The following KCNH1 variants were observed in gnomAD, a reference collection of about 807,000 sequenced individuals.
The protein encoded by KCNH1 is voltage-gated delayed rectifier potassium channel KCNH1.
Under a neutral mutation model 69.2 loss-of-function variants are expected in KCNH1, and 27 were observed. The observed-to-expected ratio is 0.39, with a 90% CI of 0.29 to 0.54. The LOEUF is 0.54. KCNH1 is among the 20% of genes least tolerant of loss of function. The pLI, the probability that KCNH1 is intolerant of heterozygous loss-of-function variation, is 0.68. For missense variants in KCNH1, 798 were observed against 1,261.6 expected (o/e 0.63, Z 5.57); for synonymous variants, 456 against 487.7 (o/e 0.93, Z 0.86).
intron 5 of KCNH1, among the ~76,000 whole-genome samples, chr1:211,029,223 C>T (rs1231284051): frequency 2.9e-5 from 4 of 137,290 alleles, no homozygotes; most frequent in Non-Finnish European, 4.6e-5. Context: ...GTCCTAGCTG[C>T]TTGGGAGGCT....
chr1:211,070,426 A>ACAC lies in KCNH1; in HGVS notation c.558+12353_558+12354insGTG, dbSNP rs1553376612. ...GAGCGAGACTCCACCTTTAAAAAAA[A>ACAC]AAAAACACACACACACACACACACA... On this transcript the variant is annotated intron_variant, in intron 5 of 10. Coordinates refer to ENST00000271751, the MANE Select transcript of KCNH1 (RefSeq NM_172362.3). 9.6e-3 allele frequency among the ~76,000 whole-genome samples: 1,039 copies of ACAC among 108,398 alleles called. 10 individuals carry two copies. The highest frequency in any genetic ancestry group is 0.031 in the African/African-American group (972 of 31,798). 71.1% of individuals were successfully genotyped at this position (108,398 alleles called of 152,430 possible). A position where few individuals can be genotyped will look rare whatever the true frequency, so the allele number is the denominator to read the frequency against.
rs114627825 is a variant in KCNH1 at position 210,717,067 on chromosome 1, A to C, written c.2113-32929T>G. Among the ~76,000 whole-genome samples the C allele has an allele frequency of 2.7e-3, 405 of 152,252 alleles. 4 individuals carry two copies. Among genetic ancestry groups the C allele is most frequent in the African/African-American group, 9.3e-3 (386 of 41,548 alleles). ...CACCACATACTGATTAATTTCTAAA[A>C]TCACTTAGCTTTACAAGTAGCCCTT... On this transcript the variant is annotated intron_variant, in intron 10 of 10. Coordinates refer to ENST00000271751, the MANE Select transcript of KCNH1 (RefSeq NM_172362.3).
rs188115984 is a variant in KCNH1, at chr1:211,014,222, T to G, written c.1032+4561A>C. 1.3e-4 allele frequency among the ~76,000 whole-genome samples: 20 copies of G among 152,312 alleles called. No homozygotes were observed. The East Asian group carries it at 3.9e-3, about 29-fold the overall frequency. On this transcript the variant is annotated intron_variant, in intron 6 of 10. Coordinates refer to ENST00000271751, the MANE Select transcript of KCNH1 (RefSeq NM_172362.3). Reference sequence around the variant, plus strand: ...TTTCCTCGGGAGAGTGAATCTGTTTTGTCAGTAATAATTCAATCTTTAACA... The same window carrying G: ...TTTCCTCGGGAGAGTGAATCTGTTTGGTCAGTAATAATTCAATCTTTAACA...
chr1:210,922,290 G>A (rs1558527016), intron 6 of KCNH1, among the ~76,000 whole-genome samples: 1 of 150,368 alleles, frequency 6.7e-6, no homozygotes, highest in Admixed American at 6.7e-5. Flanking sequence ...GCTGAAGCAG[G>A]AGAATGGCGT....
chr1:210,920,177 T>C (rs1162238748), intron 6 of KCNH1, 108 bp from the exon 7 acceptor site: 2 of 860,068 alleles, frequency 2.3e-6, no homozygotes, highest in African/African-American at 3.4e-5. Flanking sequence ...TTCCATGAGA[T>C]GCAATTTTAT....
intron 7 of KCNH1, among the ~76,000 whole-genome samples, chr1:210,878,513 A>C (rs966233981): frequency 2.0e-5 from 3 of 152,152 alleles, no homozygotes; most frequent in African/African-American, 7.2e-5. Context: ...ATCTTGAAAT[A>C]CTTGGAGAAT....
In KCNH1 at chr1:211,094,756, CCAAA is replaced by C. The variant is rs1206303833; in HGVS notation, c.311-4070_311-4067del. Among the ~76,000 whole-genome samples, 25 of 152,254 alleles carry C rather than the reference CCAAA, an allele frequency of 1.6e-4. 1 individual carries two copies. Among genetic ancestry groups the C allele is most frequent in the African/African-American group, 4.6e-4 (19 of 41,556 alleles). The stretch of plus-strand genomic sequence containing the variant: ...GTTTTCAGTCCCAAACTATCACTAC[CCAAA>C]CAGTCTAAGAAAGTGAGTAGAATGG... On this transcript the variant is annotated intron_variant, in intron 3 of 10. Coordinates refer to ENST00000271751, the MANE Select transcript of KCNH1 (RefSeq NM_172362.3).
intron 7 of KCNH1, among the ~76,000 whole-genome samples, chr1:210,867,150 G>A (rs1214313697): frequency 1.3e-5 from 2 of 151,806 alleles, no homozygotes; most frequent in African/African-American, 4.8e-5. Context: ...ATGGGTATGG[G>A]GTTTCTTTTG....
intron 5 of KCNH1, among the ~76,000 whole-genome samples, 171 bp downstream of exon 5, chr1:211,082,609 G>A (rs185318425): frequency 6.6e-6 from 1 of 152,304 alleles, no homozygotes; most frequent in Non-Finnish European, 1.5e-5. Context: ...GCTCAAAGGA[G>A]TTAGGTCACT....
At position 211,088,482 on chromosome 1, in the gene KCNH1, C is replaced by T. The variant is rs555013809; in HGVS notation, c.439+2080G>A. Among the ~76,000 whole-genome samples, 42 of 152,274 alleles carry T rather than the reference C, an allele frequency of 2.8e-4. No individual in the cohort carries two copies. The South Asian group carries it at 8.5e-3, about 31-fold the overall frequency. The stretch of plus-strand genomic sequence containing the variant: ...ACAAGGCCTAGAGAATTATCATGTG[C>T]TTCCATCATAAACACACTAATATAA... On this transcript the variant is annotated intron_variant, in intron 4 of 10. Transcript: ENST00000271751.
At chr1:210,706,284 G>C (rs1479871202) in intron 10 of KCNH1, among the ~76,000 whole-genome samples, 1 of 152,232 alleles carries the variant, frequency 6.6e-6, no homozygotes, top group African/African-American at 2.4e-5. Flanking sequence ...CCGTGCCTGG[G>C]TGGGGAGCAT....
At chr1:210,990,861 G>GA (rs1346960570) in intron 6 of KCNH1, among the ~76,000 whole-genome samples, 1 of 152,186 alleles carries the variant, frequency 6.6e-6, no homozygotes, top group Admixed American at 6.5e-5. Flanking sequence ...AAAGAGCTAT[G>GA]AAAAAATATT....
chr1:211,111,702 C>A (rs1691469762), intron 1 of KCNH1, among the ~76,000 whole-genome samples: 1 of 145,056 alleles, frequency 6.9e-6, no homozygotes, highest in Non-Finnish European at 1.5e-5. Context: ...ACGCCTCTGC[C>A]CGCCCTCCCC....
At chr1:211,044,617 C>A (rs1690059249) in intron 5 of KCNH1, among the ~76,000 whole-genome samples, 1 of 152,070 alleles carries the variant, frequency 6.6e-6, no homozygotes, top group South Asian at 2.1e-4. Context: ...ATAGACAATT[C>A]TCAAAAGAAG....
At chr1:210,898,341 T>C (rs1473978753) in intron 7 of KCNH1, among the ~76,000 whole-genome samples, 1 of 152,092 alleles carries the variant, frequency 6.6e-6, no homozygotes, top group Non-Finnish European at 1.5e-5. Flanking sequence ...CTCGAAACAA[T>C]AAATATTTAT....
chr1:210,861,599 A>G (rs1685979565), intron 7 of KCNH1: 2 of 771,830 alleles, frequency 2.6e-6, no homozygotes, highest in Non-Finnish European at 4.8e-6. Context: ...TTGGTTTATC[A>G]GTTCCAGTGG....
chr1:210,860,519 A>T, intron 7 of KCNH1: 1 of 842,904 alleles, frequency 1.2e-6, no homozygotes, highest in East Asian at 2.4e-5. Flanking sequence ...ACTTGGCTAA[A>T]TGTCATTGCC....
chr1:211,087,503 C>A (rs1690975632), intron 4 of KCNH1, among the ~76,000 whole-genome samples: 1 of 151,770 alleles, frequency 6.6e-6, no homozygotes, highest in Non-Finnish European at 1.5e-5. Flanking sequence ...TTATCTATAA[C>A]AAAAGAAAAA....
At chr1:210,859,552 T>C (rs1172904141) in intron 7 of KCNH1, 5 of 1,583,510 alleles carry the variant, frequency 3.2e-6, no homozygotes, top group Non-Finnish European at 4.3e-6. Flanking sequence ...CAAATATTCT[T>C]TCCCATCTTC....
Sources: allele counts gnomAD v4.1 joint callset (sites outside exome capture counted in the v4.1 genomes callset), GRCh38; gene constraint gnomAD v4.1.1; transcripts MANE v1.5; gene names NCBI Gene and HGNC (gene_info 2026-07-23, HGNC 2026-07-21).